Variants in CILP observed in about 807,000 individuals in gnomAD.
CILP encodes cartilage intermediate layer protein 1.
CILP carries 75 observed loss-of-function variants against 82.5 expected under a neutral mutation model. That is an observed-to-expected ratio of 0.91 (90% confidence interval 0.75 to 1.10). CILP has a LOEUF of 1.10. Ranked by LOEUF, CILP falls within the 50% of genes least tolerant of loss-of-function variation. The pLI is 0.00. For synonymous variants in CILP, 530 were observed against 580.3 expected (o/e 0.91, Z 1.25); for missense variants, 1,479 against 1,530.8 (o/e 0.97, Z 0.56).
intron 2 of CILP, 85 bp from the exon 3 acceptor site, chr15:65,207,849 G>T: frequency 8.8e-7 from 1 of 1,137,876 alleles, no homozygotes. Flanking sequence ...AGTGTGAGGT[G>T]GTGAATGGAG....
At position 65,205,336 on chromosome 15, in the gene CILP, G is replaced by C. The variant is rs1040885264; in HGVS notation, c.555C>G (p.Cys185Trp). The change falls in exon 5 of 9, where the codon TGC becomes TGG. Residue 185 changes from cysteine (C) to tryptophan (W), a missense_variant. By Grantham distance (215) the Cys-to-Trp change is radical. Transcript: ENST00000261883. The stretch of plus-strand genomic sequence containing the variant: ...GCTGACCCTCTTCGCTGGCCTCACT[G>C]CACAGCGACACCATCTCTGCCAAGC... ...RICLAEMVSLCSEASEEGQHC... is the reference protein window; with the variant it reads ...RICLAEMVSLWSEASEEGQHC... The C allele has an allele frequency of 2.5e-6, 4 of 1,614,132 alleles. No individual in the cohort carries two copies. The highest frequency in any genetic ancestry group is 3.4e-6 in the Non-Finnish European group (4 of 1,180,034).
chr15:65,209,012 C>CTTTTTTTT lies in CILP; in HGVS notation c.61+675_61+682dup, dbSNP rs556369891. On this transcript the variant is annotated intron_variant, in intron 2 of 8. Coordinates refer to ENST00000261883, the MANE Select transcript of CILP (RefSeq NM_003613.4). ...TACAGCTTTAAAGGAGGGTTTTGAG[C>CTTTTTTTT]TTTTTTTTTTTTTTTTTTTTTTTTG... Among the ~76,000 whole-genome samples the CTTTTTTTT allele has an allele frequency of 6.3e-3, 438 of 69,952 alleles. 1 individual carries two copies. The highest frequency in any genetic ancestry group is 0.029 in the Middle Eastern group (2 of 70). The allele number at this position is 69,952 out of a possible 152,430, so 45.9% of individuals were successfully genotyped here. A position where few individuals can be genotyped will look rare whatever the true frequency, so the allele number is the denominator to read the frequency against.
In CILP at chr15:65,198,954, C is replaced by G. The variant is rs778823869; in HGVS notation, c.1332G>C (p.Gly444=). Residue 444 remains glycine (G), a synonymous_variant, in exon 9 of 9, where the codon GGG becomes GGC. Transcript: ENST00000261883. The stretch of plus-strand genomic sequence containing the variant: ...TCTGCACAGCATCACGGCACCTGAT[C>G]CCATTATCCTGCTGCCCTGCACAAG... The part of the protein sequence containing the change: ...VKTCAGQQDN[G]IRCRDAVQNC... 6 of 1,613,784 alleles carry G rather than the reference C, an allele frequency of 3.7e-6. No homozygotes were observed. In the African/African-American group the frequency reaches 8.0e-5, roughly 22 times the overall value.
At position 65,196,169 on chromosome 15, in the gene CILP, A is replaced by G. The variant is rs1333002577; in HGVS notation, c.*562T>C. ...TTCCAGACTTGGTAGAGGAACTATG[A>G]TCACCCTATATTTAATAGCTTAACT... On this transcript the variant is annotated 3_prime_UTR_variant, in exon 9 of 9. Coordinates refer to ENST00000261883, the MANE Select transcript of CILP (RefSeq NM_003613.4). 2 of 152,412 alleles carry G rather than the reference A, an allele frequency of 1.3e-5. No homozygotes were observed. The highest frequency in any genetic ancestry group is 3.9e-4 in the East Asian group (2 of 5,190). 9.4% of individuals were successfully genotyped at this position (152,412 alleles called of 1,614,324 possible).
chr15:65,198,323 G>A lies in CILP; in HGVS notation c.1963C>T (p.Arg655Trp), dbSNP rs142003410. The A allele has an allele frequency of 3.2e-5, 52 of 1,614,086 alleles. No homozygotes were observed. Among genetic ancestry groups the A allele is most frequent in the Middle Eastern group, 1.6e-4 (1 of 6,084 alleles). ...TCCACAGAGAACATGCCATACGTCCGAAGGGGGAAAGTGTCTCCTTCGTCA... is the reference window on the plus strand; with the variant it reads ...TCCACAGAGAACATGCCATACGTCCAAAGGGGGAAAGTGTCTCCTTCGTCA... ...INDEGDTFPL[R>W]TYGMFSVDFR... The change falls in exon 9 of 9, where the codon CGG (arginine) becomes TGG (tryptophan). Residue 655 changes from arginine (R) to tryptophan (W), a missense_variant. Coordinates refer to ENST00000261883, the MANE Select transcript of CILP (RefSeq NM_003613.4).
At chr15:65,208,566 C>T (rs1402807622) in intron 2 of CILP, among the ~76,000 whole-genome samples, 1 of 152,180 alleles carries the variant, frequency 6.6e-6, no homozygotes, top group Non-Finnish European at 1.5e-5. Flanking sequence ...ATAAAGACTC[C>T]TATGGCCTAA....
intron 2 of CILP, among the ~76,000 whole-genome samples, chr15:65,209,260 G>C (rs2088560163): frequency 6.6e-6 from 1 of 152,024 alleles, no homozygotes; most frequent in African/African-American, 2.4e-5. Context: ...AAATTTGGCT[G>C]CAGGGTCTAA....
chr15:65,209,820 T>A lies in CILP; in HGVS notation c.-65A>T, dbSNP rs1008879211. ...GTGGGTGCTTCACAGAGTCACTGAC[T>A]CTGGAATGCGGTCCCCTGGGAAGTT... On this transcript the variant is annotated 5_prime_UTR_variant, in exon 2 of 9. Transcript: ENST00000261883. The A allele has an allele frequency of 6.9e-7, 1 of 1,442,816 alleles. No individual in the cohort carries two copies. Among genetic ancestry groups the A allele is most frequent in the Non-Finnish European group, 9.7e-7 (1 of 1,026,052 alleles). 89.4% of individuals were successfully genotyped at this position (1,442,816 alleles called of 1,614,324 possible).
intron 2 of CILP, among the ~76,000 whole-genome samples, chr15:65,208,586 C>T (rs560537073): frequency 2.6e-5 from 4 of 152,290 alleles, no homozygotes; most frequent in Admixed American, 6.5e-5. Flanking sequence ...ATTGGGGCAG[C>T]GGTCCTCAAT....
chr15:65,209,614 T>G, intron 2 of CILP, 81 bp downstream of exon 2: 6 of 1,352,502 alleles, frequency 4.4e-6, no homozygotes, highest in Non-Finnish European at 6.4e-6. Context: ...TTAAGGCAGA[T>G]GCATAGTTCA....
chr15:65,200,658 C>G (rs900636030), intron 8 of CILP, among the ~76,000 whole-genome samples: 1 of 152,174 alleles, frequency 6.6e-6, no homozygotes, highest in Non-Finnish European at 1.5e-5. Flanking sequence ...CTGGAACACC[C>G]TCACCTCCAC....
chr15:65,202,872 G>A (rs1331217245), intron 7 of CILP, among the ~76,000 whole-genome samples: 3 of 128,268 alleles, frequency 2.3e-5, no homozygotes, highest in East Asian at 2.2e-4. Context: ...ATCACACACT[G>A]TCACTCAGGC....
chr15:65,209,674 C>T (rs2088563770), intron 2 of CILP, 21 bp downstream of exon 2: 1 of 1,613,156 alleles, frequency 6.2e-7, no homozygotes. Context: ...ATTTGGGAGC[C>T]AGCAGATACT....
At chr15:65,204,844 C>A (rs1035844751) in intron 5 of CILP, among the ~76,000 whole-genome samples, 1 of 152,152 alleles carries the variant, frequency 6.6e-6, no homozygotes, top group Non-Finnish European at 1.5e-5. Context: ...CATGGTGAAA[C>A]CTTGTCTCTA....
At position 65,204,393 on chromosome 15, in the gene CILP, G is replaced by C; in HGVS notation, c.794C>G (p.Pro265Arg). 1 of 1,614,220 alleles carries C rather than the reference G, an allele frequency of 6.2e-7. No individual in the cohort carries two copies. Among genetic ancestry groups the C allele is most frequent in the Non-Finnish European group, 8.5e-7 (1 of 1,180,046 alleles). Residue 265 changes from proline to arginine, a missense_variant, in exon 6 of 9, where the codon CCT (proline) becomes CGT (arginine). Coordinates refer to ENST00000261883, the MANE Select transcript of CILP (RefSeq NM_003613.4). ...QTDSDGRFRI[P>R]GLCPDGKSIL... is the part of the protein sequence containing the mutation. ...GCTTTTGCCATCAGGGCACAAGCCA[G>C]GGATTCGGAATCTCCCATCACTGTC... is the stretch of plus-strand genomic sequence containing the variant.
At position 65,197,981 on chromosome 15, in the gene CILP, G is replaced by C. The variant is rs775973375; in HGVS notation, c.2305C>G (p.Gln769Glu). 3 of 1,614,054 alleles carry C rather than the reference G, an allele frequency of 1.9e-6. No homozygotes were observed. The African/African-American group carries it at 4.0e-5, about 22-fold the overall frequency. Residue 769 changes from glutamine (Q) to glutamate (E), a missense_variant, in exon 9 of 9, where the codon CAG (glutamine) becomes GAG (glutamate). Gln to Glu is a conservative substitution (Grantham distance 29, BLOSUM62 2). Transcript: ENST00000261883. ...ACGGAGATCACAACCCCCTGGATCT[G>C]CTCACTAGGCAAGAACCTCTCACTC... ...YRSERFLPSE[Q>E]IQGVVISVIN...
At chr15:65,208,212 C>A (rs1258593059) in intron 2 of CILP, among the ~76,000 whole-genome samples, 1 of 152,134 alleles carries the variant, frequency 6.6e-6, no homozygotes, top group African/African-American at 2.4e-5. Context: ...TTATTCCCAT[C>A]TCGCAGGGTG....
Position 65,198,984 on chromosome 15 carries a change from A to C in CILP, c.1302T>G (p.Val434=). Reference sequence around the variant, plus strand: ...TATCCTGCTGCCCTGCACAAGTCTTAACAGGGCAGCGTCCCACGTCATAGT... The same window carrying C: ...TATCCTGCTGCCCTGCACAAGTCTTCACAGGGCAGCGTCCCACGTCATAGT... ...SFYYDVGRCP[V]KTCAGQQDNG... is the part of the protein sequence containing the mutation. The change falls in exon 9 of 9, where the codon GTT becomes GTG. Residue 434 remains valine (V), a synonymous_variant. Transcript: ENST00000261883. 6.2e-7 allele frequency: 1 copy of C among 1,612,964 alleles called. No individual in the cohort carries two copies. The highest frequency in any genetic ancestry group is 8.5e-7 in the Non-Finnish European group (1 of 1,179,992).
At chr15:65,202,647 C>T (rs886373014) in intron 7 of CILP, among the ~76,000 whole-genome samples, 10 of 151,848 alleles carry the variant, frequency 6.6e-5, no homozygotes, top group African/African-American at 2.4e-4. Context: ...AGACTGGTCT[C>T]GAACTCCTGA....
Sources: gnomAD v4.1 joint callset for allele counts (sites outside exome capture counted in the v4.1 genomes callset) on GRCh38, gnomAD v4.1.1 for gene constraint, MANE v1.5 for transcripts, NCBI Gene and HGNC (gene_info 2026-07-23, HGNC 2026-07-21) for gene names.